Variants in ADORA2B observed in about 807,000 individuals in gnomAD.
The protein encoded by ADORA2B is adenosine A2b receptor, also known as adenosine receptor A2b.
Under a neutral mutation model 20.8 loss-of-function variants are expected in ADORA2B, and 18 were observed. The ratio of observed to expected loss-of-function variants is 0.87; its 90% confidence interval spans 0.60 to 1.29. ADORA2B has a LOEUF of 1.29. Ranked by LOEUF, ADORA2B falls within the 50% of genes most tolerant of loss-of-function variation. The pLI is 0.00. For synonymous variants in ADORA2B, 179 were observed against 178.3 expected, an observed-to-expected ratio of 1.00 and a Z score of -0.03; for missense variants, 441 against 422.7, an observed-to-expected ratio of 1.04 and a Z score of -0.38.
chr17:15,866,718 T>G, the ADORA2B span, among the ~76,000 whole-genome samples: 13,129 of 116,074 alleles, frequency 0.11, no homozygotes, highest in South Asian at 0.16. Context: ...TGCCGCTGCC[T>G]CTGCCGCTGC....
At chr17:15,958,352 T>C (rs1232575492) in intron 1 of ADORA2B, among the ~76,000 whole-genome samples, 4 of 152,100 alleles carry the variant, frequency 2.6e-5, no homozygotes, top group Non-Finnish European at 5.9e-5. Context: ...TCCATTCACT[T>C]CTCTTAGGCC....
At chr17:15,861,944 C>T in the ADORA2B span, among the ~76,000 whole-genome samples, 410 of 152,296 alleles carry the variant, frequency 2.7e-3, 1 homozygote, top group African/African-American at 9.1e-3. Context: ...CTTAGCACCA[C>T]CCCTGCCCAC....
chr17:15,973,161 G>T lies in ADORA2B; in HGVS notation c.336-1518G>T, dbSNP rs1445704670. ...GCCCATAGTCCTAGGCAAATGTCTT[G>T]TGGTGTTTGTGGGAAGCCAGAAAGA... is the stretch of plus-strand genomic sequence containing the variant. On this transcript the variant is annotated intron_variant, in intron 1 of 1. Coordinates refer to ENST00000304222, the MANE Select transcript of ADORA2B (RefSeq NM_000676.4). Among the ~76,000 whole-genome samples the T allele has an allele frequency of 2.6e-5, 4 of 152,312 alleles. No individual in the cohort carries two copies. In the East Asian group the frequency reaches 7.7e-4, roughly 29 times the overall value.
intron 1 of ADORA2B, among the ~76,000 whole-genome samples, chr17:15,947,489 A>G (rs1024874104): frequency 1.3e-5 from 2 of 152,236 alleles, no homozygotes; most frequent in Non-Finnish European, 2.9e-5. Context: ...GCTGTGAATC[A>G]CAGGCCCTGA....
intron 1 of ADORA2B, among the ~76,000 whole-genome samples, chr17:15,959,494 ATTTTTTTTTT>A (rs56097835): frequency 7.9e-5 from 6 of 75,954 alleles, no homozygotes; most frequent in African/African-American, 2.6e-4. Context: ...TCACATTCTG[ATTTTTTTTTT>A]TTTTTTTTTT....
chr17:15,959,269 A>G (rs1970006949), intron 1 of ADORA2B, among the ~76,000 whole-genome samples: 3 of 152,218 alleles, frequency 2.0e-5, no homozygotes, highest in Admixed American at 2.0e-4. Context: ...TTTAAAAATT[A>G]CAAAATGAGT....
At chr17:15,882,689 A>G in the ADORA2B span, among the ~76,000 whole-genome samples, 3 of 152,200 alleles carry the variant, frequency 2.0e-5, no homozygotes, top group Admixed American at 1.3e-4. Context: ...TTTTCCATAT[A>G]AATAGAAATA....
At chr17:15,928,249 G>A in the ADORA2B span, among the ~76,000 whole-genome samples, 1 of 152,182 alleles carries the variant, frequency 6.6e-6, no homozygotes, top group Non-Finnish European at 1.5e-5. Flanking sequence ...TGGGGACCGA[G>A]GGCAGATCTC....
At chr17:15,941,079 G>A (rs1969740427), upstream of ADORA2B, among the ~76,000 whole-genome samples, 1 of 152,192 alleles carries the variant, frequency 6.6e-6, no homozygotes, top group African/African-American at 2.4e-5. Context: ...TGTACTAGCA[G>A]TCTGGAAGAG....
the ADORA2B span, among the ~76,000 whole-genome samples, chr17:15,872,217 G>C: frequency 2.6e-5 from 4 of 152,130 alleles, no homozygotes; most frequent in African/African-American, 9.7e-5. Flanking sequence ...ACAACATTGG[G>C]AATGTACTAA....
At chr17:15,913,428 C>T in the ADORA2B span, among the ~76,000 whole-genome samples, 1 of 152,214 alleles carries the variant, frequency 6.6e-6, no homozygotes, top group African/African-American at 2.4e-5. Context: ...TGCAGTCAGT[C>T]TTGTCAACAG....
the ADORA2B span, among the ~76,000 whole-genome samples, chr17:15,898,417 C>T: frequency 8.6e-5 from 13 of 151,714 alleles, no homozygotes; most frequent in East Asian, 2.5e-3. Context: ...CATCAGCCTC[C>T]CGAGTAGCTG....
At chr17:15,917,887 T>G in the ADORA2B span, among the ~76,000 whole-genome samples, 1 of 152,118 alleles carries the variant, frequency 6.6e-6, no homozygotes. Flanking sequence ...TCCAGGCGAG[T>G]GCTCGGGCTC....
the ADORA2B span, among the ~76,000 whole-genome samples, chr17:15,871,910 C>G: frequency 1.3e-5 from 2 of 152,156 alleles, no homozygotes; most frequent in Non-Finnish European, 2.9e-5. Context: ...GGTCCTCCCT[C>G]TGATCATTGA....
At chr17:15,951,199 A>C (rs1969897206) in intron 1 of ADORA2B, among the ~76,000 whole-genome samples, 1 of 152,214 alleles carries the variant, frequency 6.6e-6, no homozygotes, top group African/African-American at 2.4e-5. Flanking sequence ...AATGATCGGA[A>C]GACAGGAAAA....
chr17:15,947,541 G>T (rs1969823772), intron 1 of ADORA2B, among the ~76,000 whole-genome samples: 1 of 152,230 alleles, frequency 6.6e-6, no homozygotes, highest in Admixed American at 6.5e-5. Flanking sequence ...GAACACTGAG[G>T]CTCGCCCCAT....
At chr17:15,862,211 C>CTTTTTTTTTTTTTTTTTTTTTTT in the ADORA2B span, among the ~76,000 whole-genome samples, 3 of 96,292 alleles carry the variant, frequency 3.1e-5, no homozygotes, top group African/African-American at 5.5e-5. Flanking sequence ...CTTTTCTTTT[C>CTTTTTTTTTTTTTTTTTTTTTTT]TTTTTTTTTT....
At chr17:15,897,363 T>G in the ADORA2B span, among the ~76,000 whole-genome samples, 1 of 152,084 alleles carries the variant, frequency 6.6e-6, no homozygotes, top group Admixed American at 6.5e-5. Context: ...AGCCCCAGAG[T>G]TGGAGTCCAG....
chr17:15,907,215 GTT>G, the ADORA2B span, among the ~76,000 whole-genome samples: 2 of 147,222 alleles, frequency 1.4e-5, no homozygotes, highest in African/African-American at 4.9e-5. Context: ...CTGTGAAAGT[GTT>G]TTTTTTTTTA....
Sources: allele counts gnomAD v4.1 joint callset (sites outside exome capture counted in the v4.1 genomes callset), GRCh38; gene constraint gnomAD v4.1.1; transcripts MANE v1.5; gene names NCBI Gene and HGNC (gene_info 2026-07-23, HGNC 2026-07-21).